The following ANK1 variants were observed in gnomAD, a reference collection of about 807,000 sequenced individuals.
The protein encoded by ANK1 is ankyrin 1, also known as ankyrin-1.
In ANK1, 51 loss-of-function variants were observed where a neutral mutation model predicts 210.4. The observed-to-expected ratio is 0.24, with a 90% confidence interval of 0.19 to 0.31. The LOEUF is 0.31. Ranked by LOEUF, ANK1 falls within the 10% of genes least tolerant of loss-of-function variation. The pLI, the probability that ANK1 is intolerant of heterozygous loss-of-function variation, is 1.00. For synonymous variants in ANK1, 967 were observed against 1,025.9 expected (o/e 0.94, Z 1.10); for missense variants, 2,051 against 2,504.4 (o/e 0.82, Z 3.86).
chr8:41,677,234 CTCT>C (rs998129720), intron 37 of ANK1, among the ~76,000 whole-genome samples: 5 of 152,090 alleles, frequency 3.3e-5, no homozygotes, highest in African/African-American at 1.2e-4. Context: ...TGCAGGTCTT[CTCT>C]TTTTTCATAA....
intron 1 of ANK1, among the ~76,000 whole-genome samples, chr8:41,763,886 T>TTG (rs1563703216): frequency 1.8e-5 from 2 of 109,218 alleles, no homozygotes; most frequent in Admixed American, 1.1e-4. Flanking sequence ...TTTTTCTTTT[T>TTG]TTCTTTTTTT....
At chr8:41,679,554 CT>C (rs1563394324) in intron 37 of ANK1, among the ~76,000 whole-genome samples, 1 of 99,062 alleles carries the variant, frequency 1.0e-5, no homozygotes, top group African/African-American at 3.5e-5. Context: ...TCTTCCTGGA[CT>C]TTCTTTTTTT....
At chr8:41,825,714 C>T (rs1438454245) in intron 1 of ANK1, among the ~76,000 whole-genome samples, 2 of 152,194 alleles carry the variant, frequency 1.3e-5, no homozygotes, top group African/African-American at 4.8e-5. Flanking sequence ...ATAATTCCCA[C>T]ATGTTGTGGG....
At position 41,803,085 on chromosome 8, in the gene ANK1, G is replaced by GGAAGGGAAGGAAAGGAAAGGAAAGGA. The variant is rs1563811160; in HGVS notation, c.127-44949_127-44948insTCCTTTCCTTTCCTTTCCTTCCCTTC. Among the ~76,000 whole-genome samples the GGAAGGGAAGGAAAGGAAAGGAAAGGA allele has an allele frequency of 5.9e-3, 354 of 59,992 alleles. 4 individuals carry two copies. The highest frequency in any genetic ancestry group is 0.017 in the Middle Eastern group (2 of 118). The allele number at this position is 59,992 out of a possible 152,430, so 39.4% of individuals were successfully genotyped here. ...AAAGGAAGGAAGGAAGGAAGGAAGG[G>GGAAGGGAAGGAAAGGAAAGGAAAGGA]AAGGAAAGGAAAGGAAAGGAAAGGA... On this transcript the variant is annotated intron_variant, in intron 1 of 42. Transcript: ENST00000265709.
chr8:41,789,714 G>A (rs1847221179), intron 1 of ANK1, among the ~76,000 whole-genome samples: 1 of 152,238 alleles, frequency 6.6e-6, no homozygotes, highest in African/African-American at 2.4e-5. Flanking sequence ...ACAGACGTGA[G>A]CTGGGAACCT....
At chr8:41,715,887 A>G (rs368741572) in intron 13 of ANK1, 38 bp from the exon 14 acceptor site, 2 of 1,612,760 alleles carry the variant, frequency 1.2e-6, no homozygotes, top group Non-Finnish European at 1.7e-6. Context: ...AAGAAACGCT[A>G]ATGTTACCAA....
intron 1 of ANK1, among the ~76,000 whole-genome samples, chr8:41,841,234 A>G (rs1808832733): frequency 6.6e-6 from 1 of 152,168 alleles, no homozygotes; most frequent in African/African-American, 2.4e-5. Context: ...AATGAGGGAA[A>G]TCCTACTGGG....
rs867126574 is a variant in ANK1, at chr8:41,892,142, T to C, written c.126+4213A>G. ...GCCAACATGATTCTAATGCTTAACT[T>C]TCCTCCCTCCATCCCACTTTCCCCC... On this transcript the variant is annotated intron_variant, in intron 1 of 42. Coordinates refer to the ANK1 transcript ENST00000265709. Among the ~76,000 whole-genome samples, 5 of 152,066 alleles carry C rather than the reference T, an allele frequency of 3.3e-5. No individual in the cohort carries two copies. In the Middle Eastern group the frequency reaches 0.01, roughly 310 times the overall value.
At chr8:41,847,208 A>T (rs1216732172) in intron 1 of ANK1, among the ~76,000 whole-genome samples, 1 of 152,216 alleles carries the variant, frequency 6.6e-6, no homozygotes. Context: ...CCTCTTGCTC[A>T]TATCAGTCTA....
At chr8:41,790,352 G>A (rs1261068584) in intron 1 of ANK1, among the ~76,000 whole-genome samples, 1 of 152,048 alleles carries the variant, frequency 6.6e-6, no homozygotes, top group African/African-American at 2.4e-5. Flanking sequence ...TCACCATGTT[G>A]GCCATGCTGG....
Position 41,694,922 on chromosome 8 carries a change from G to A in ANK1, c.3116-119C>T. 2 of 1,191,052 alleles carry A rather than the reference G, an allele frequency of 1.7e-6. No individual in the cohort carries two copies. Among genetic ancestry groups the A allele is most frequent in the South Asian group, 1.3e-5 (1 of 79,180 alleles). The allele number at this position is 1,191,052 out of a possible 1,614,324, so 73.8% of individuals were successfully genotyped here. A position where few individuals can be genotyped will look rare whatever the true frequency, so the allele number is the denominator to read the frequency against. On this transcript the variant is annotated intron_variant, in intron 27 of 42. Coordinates refer to ENST00000289734, the MANE Select transcript of ANK1 (RefSeq NM_000037.4). This position sits in a 1 kb window ranked among gnomAD's most constrained non-coding sequence, Gnocchi z 5.7. Reference sequence around the variant, plus strand: ...GTGCACACACCCTCCCCAGGTGCCGGGCGGCATAGTGGCCAGAAGAAGTGG... The same window carrying A: ...GTGCACACACCCTCCCCAGGTGCCGAGCGGCATAGTGGCCAGAAGAAGTGG...
chr8:41,770,189 G>A (rs1435426198), intron 1 of ANK1, among the ~76,000 whole-genome samples: 1 of 151,944 alleles, frequency 6.6e-6, no homozygotes, highest in African/African-American at 2.4e-5. Flanking sequence ...CTCCATGTTG[G>A]TCAGGCTGGT....
chr8:41,702,571 A>C (rs1823150604), intron 20 of ANK1, among the ~76,000 whole-genome samples: 1 of 152,206 alleles, frequency 6.6e-6, no homozygotes, highest in Non-Finnish European at 1.5e-5. Context: ...TGGGGTATTA[A>C]AATAGTTGAA....
chr8:41,877,719 C>T (rs533707981), intron 1 of ANK1, among the ~76,000 whole-genome samples: 10 of 152,238 alleles, frequency 6.6e-5, no homozygotes, highest in Admixed American at 2.6e-4. Context: ...GGGAGCCAGG[C>T]GGGGGCGAAG....
chr8:41,847,326 C>T (rs900871876), intron 1 of ANK1, among the ~76,000 whole-genome samples: 1 of 152,180 alleles, frequency 6.6e-6, no homozygotes, highest in African/African-American at 2.4e-5. Flanking sequence ...GAAGACGGTG[C>T]AGGTGGATTT....
chr8:41,677,783 T>C (rs1585985783), intron 37 of ANK1, among the ~76,000 whole-genome samples: 1 of 151,928 alleles, frequency 6.6e-6, no homozygotes, highest in African/African-American at 2.4e-5. Flanking sequence ...AGAGATGGAG[T>C]TTCACCCTGT....
At chr8:41,761,896 C>T (rs1255424561) in intron 1 of ANK1, among the ~76,000 whole-genome samples, 1 of 152,124 alleles carries the variant, frequency 6.6e-6, no homozygotes, top group East Asian at 1.9e-4. Flanking sequence ...CCCACAACCC[C>T]AGGCCTGCAG....
chr8:41,701,119 A>G (rs115229383), intron 22 of ANK1, among the ~76,000 whole-genome samples: 1 of 152,288 alleles, frequency 6.6e-6, no homozygotes, highest in African/African-American at 2.4e-5. Context: ...CTATTGACCC[A>G]CTATGTGGTC....
chr8:41,849,995 C>T (rs1237586265), intron 1 of ANK1, among the ~76,000 whole-genome samples: 1 of 152,180 alleles, frequency 6.6e-6, no homozygotes, highest in East Asian at 1.9e-4. Context: ...AGAGCCCTGG[C>T]AGCGGCTCTC....
Sources: allele counts gnomAD v4.1 joint callset (sites outside exome capture counted in the v4.1 genomes callset), GRCh38; gene constraint gnomAD v4.1.1; non-coding constraint Gnocchi (gnomAD v3.1); transcripts MANE v1.5; gene names NCBI Gene and HGNC (gene_info 2026-07-23, HGNC 2026-07-21).